The following GMDS variants were observed in gnomAD, a reference collection of about 807,000 sequenced individuals.
The protein encoded by GMDS is GDP-mannose 4,6 dehydratase.
Under a neutral mutation model 49.9 loss-of-function variants are expected in GMDS, and 20 were observed. The ratio of observed to expected loss-of-function variants is 0.40; its 90% CI spans 0.28 to 0.58. The LOEUF (loss-of-function observed/expected upper bound fraction) is 0.58. GMDS is among the 20% of genes least tolerant of loss of function. GMDS has a pLI of 0.42. For missense variants in GMDS, 362 were observed against 481.4 expected (o/e 0.75, Z 2.32); for synonymous variants, 177 against 178.6 (o/e 0.99, Z 0.07).
intron 6 of GMDS, among the ~76,000 whole-genome samples, chr6:1,947,249 T>A (rs984264402): frequency 3.9e-5 from 6 of 152,200 alleles, no homozygotes; most frequent in Middle Eastern, 3.2e-3. Context: ...AATGGGGATA[T>A]GCTGGTACTA....
rs144479292 is a variant in GMDS, at chr6:1,724,058, T to C, written c.987+2358A>G. Among the ~76,000 whole-genome samples the C allele has an allele frequency of 3.1e-4, 47 of 152,282 alleles. No homozygotes were observed. In the East Asian group the frequency reaches 6.4e-3, roughly 21 times the overall value. On this transcript the variant is annotated intron_variant, in intron 9 of 10. Transcript: ENST00000380815. The stretch of plus-strand genomic sequence containing the variant: ...AAACTTGTTGTTCTGAGGAATGAGG[T>C]TAAAAGTTTAGTCTCACCATACAGG...
In GMDS at chr6:2,221,809, A is replaced by T. The variant is rs373837706; in HGVS notation, c.102+23512T>A. Among the ~76,000 whole-genome samples, 7 of 152,310 alleles carry T rather than the reference A, an allele frequency of 4.6e-5. No homozygotes were observed. The South Asian group carries it at 6.2e-4, about 14-fold the overall frequency. ...CAAAAAGAAAACAAACAACAACGAA[A>T]AAAGAAAATACTCTCAGAATGTGCC... On this transcript the variant is annotated intron_variant, in intron 1 of 10. Transcript: ENST00000380815.
At chr6:2,116,703 A>G (rs756024954) in intron 3 of GMDS, among the ~76,000 whole-genome samples, 6 of 152,200 alleles carry the variant, frequency 3.9e-5, no homozygotes, top group Non-Finnish European at 8.8e-5. Flanking sequence ...AAAACCACAT[A>G]TGGTTTACAA....
At chr6:1,840,591 G>A (rs1757112858) in intron 7 of GMDS, among the ~76,000 whole-genome samples, 1 of 152,174 alleles carries the variant, frequency 6.6e-6, no homozygotes, top group Non-Finnish European at 1.5e-5. Flanking sequence ...TGCTGCTAGT[G>A]GGGAGCCCCT....
At chr6:1,633,739 G>C (rs1469223299) in intron 9 of GMDS, among the ~76,000 whole-genome samples, 1 of 152,182 alleles carries the variant, frequency 6.6e-6, no homozygotes, top group African/African-American at 2.4e-5. Context: ...GGGAGTGACG[G>C]GGAGAGGAGC....
intron 9 of GMDS, among the ~76,000 whole-genome samples, chr6:1,653,575 C>T (rs1763782602): frequency 6.6e-6 from 1 of 152,182 alleles, no homozygotes; most frequent in Non-Finnish European, 1.5e-5. Context: ...ACAGTAATCA[C>T]AACAGTGTGG....
chr6:1,679,064 A>T (rs1247835056), intron 9 of GMDS: 1 of 152,238 alleles, frequency 6.6e-6, no homozygotes, highest in Non-Finnish European at 1.5e-5. Context: ...GTGCATGCGT[A>T]CAGAGTCCTC....
intron 7 of GMDS, among the ~76,000 whole-genome samples, chr6:1,804,892 G>T (rs532095538): frequency 6.4e-4 from 97 of 152,292 alleles, no homozygotes; most frequent in African/African-American, 2.3e-3. Flanking sequence ...AGCTCTCAAT[G>T]GAATGTATTT....
At chr6:1,815,413 T>C (rs1224946317) in intron 7 of GMDS, among the ~76,000 whole-genome samples, 1 of 152,230 alleles carries the variant, frequency 6.6e-6, no homozygotes, top group Non-Finnish European at 1.5e-5. Flanking sequence ...TTTTTACTGC[T>C]AAGTTCTAAA....
chr6:2,123,563 G>A (rs981189027), intron 2 of GMDS, among the ~76,000 whole-genome samples: 1 of 152,212 alleles, frequency 6.6e-6, no homozygotes, highest in African/African-American at 2.4e-5. Context: ...TAAGGCGTTA[G>A]GTTAATCTAG....
At chr6:2,108,050 G>A (rs1328077630) in intron 4 of GMDS, among the ~76,000 whole-genome samples, 3 of 152,106 alleles carry the variant, frequency 2.0e-5, no homozygotes, top group Non-Finnish European at 2.9e-5. Flanking sequence ...AAACTATATC[G>A]ATTCATAAAT....
intron 1 of GMDS, among the ~76,000 whole-genome samples, chr6:2,222,707 C>A (rs578216279): frequency 4.6e-5 from 7 of 152,104 alleles, no homozygotes; most frequent in Admixed American, 6.5e-5. Flanking sequence ...GGTTTCCAGG[C>A]GGTCAGTAGG....
rs536516628 is a variant in GMDS, at chr6:2,225,399, T to C, written c.102+19922A>G. On this transcript the variant is annotated intron_variant, in intron 1 of 10. Coordinates refer to ENST00000380815, the MANE Select transcript of GMDS (RefSeq NM_001500.4). ...TCTCATTAAAGACAGAGGTGCCCCC[T>C]AACTTGCCCTTTAACTTGCAGTCTT... Among the ~76,000 whole-genome samples the C allele has an allele frequency of 1.1e-4, 17 of 152,276 alleles. No individual in the cohort carries two copies. In the South Asian group the frequency reaches 3.5e-3, roughly 32 times the overall value.
At chr6:1,862,674 T>C (rs3778541) in intron 7 of GMDS, among the ~76,000 whole-genome samples, 143,194 of 152,350 alleles carry the variant, frequency 0.94, 67,417 homozygotes, top group Non-Finnish European at 0.96. Flanking sequence ...GAATGACAAC[T>C]CTGTCAAATT....
chr6:1,867,220 G>T (rs1047044646), intron 7 of GMDS, among the ~76,000 whole-genome samples: 4 of 152,142 alleles, frequency 2.6e-5, no homozygotes, highest in African/African-American at 9.7e-5. Context: ...TTCACATACT[G>T]CATATTCTTA....
intron 9 of GMDS, among the ~76,000 whole-genome samples, chr6:1,673,343 TCTC>T (rs1764486398): frequency 6.6e-6 from 1 of 150,582 alleles, no homozygotes; most frequent in Non-Finnish European, 1.5e-5. Flanking sequence ...CTTCGTGACT[TCTC>T]CTCAGTTAGG....
At chr6:2,205,572 G>A (rs6908269) in intron 1 of GMDS, among the ~76,000 whole-genome samples, 38,151 of 152,080 alleles carry the variant, frequency 0.25, 6,710 homozygotes, top group African/African-American at 0.5. Flanking sequence ...ATTTGTTTCC[G>A]ATTCCAATTA....
intron 1 of GMDS, among the ~76,000 whole-genome samples, chr6:2,205,089 C>A (rs1308432682): frequency 6.6e-6 from 1 of 152,092 alleles, no homozygotes; most frequent in Non-Finnish European, 1.5e-5. Flanking sequence ...TTGTCCTAAA[C>A]CCTTTAACAG....
At chr6:1,980,600 G>T (rs1450279886) in intron 4 of GMDS, among the ~76,000 whole-genome samples, 4 of 152,172 alleles carry the variant, frequency 2.6e-5, no homozygotes, top group Admixed American at 6.5e-5. Flanking sequence ...AACAATAATA[G>T]TGGGAGACTT....
Sources: gnomAD v4.1 joint callset for allele counts (sites outside exome capture counted in the v4.1 genomes callset) on GRCh38, gnomAD v4.1.1 for gene constraint, MANE v1.5 for transcripts, NCBI Gene and HGNC (gene_info 2026-07-23, HGNC 2026-07-21) for gene names.